YY1AP1: variants seen among roughly 807,000 people sequenced by gnomAD.
The protein encoded by YY1AP1 is YY1-associated protein 1.
YY1AP1 carries 43 observed loss-of-function variants against 39.9 expected under a neutral mutation model. The observed-to-expected ratio is 1.08, with a 90% CI of 0.84 to 1.39. The LOEUF (loss-of-function observed/expected upper bound fraction) is 1.39. Ranked by LOEUF, YY1AP1 falls within the 40% of genes most tolerant of loss-of-function variation. YY1AP1 has a pLI of 0.00. For missense variants in YY1AP1, 813 were observed against 900.7 expected (o/e 0.90, Z 1.25); for synonymous variants, 292 against 331.3 (o/e 0.88, Z 1.29).
chr1:155,679,473 C>T lies in YY1AP1; in HGVS notation c.61G>A (p.Gly21Ser). ...EMGFSNMEDD[G>S]PEEEERVAEP... ...GCCACACGCTCCTCCTCTTCTGGGC[C>T]ATCATCTTCCATGTTGGAGAATCCC... The change falls in exon 4 of 11, where the codon GGC (glycine) becomes AGC (serine). Residue 21 changes from glycine to serine, a missense_variant. Around this residue, in one of 3 missense-constraint regions of YY1AP1, gnomAD observed 196 missense variants for 189.7 expected, o/e 1.03. Transcript: ENST00000355499. 2 of 1,614,214 alleles carry T rather than the reference C, an allele frequency of 1.2e-6. No homozygotes were observed. The highest frequency in any genetic ancestry group is 1.7e-6 in the Non-Finnish European group (2 of 1,180,034).
In YY1AP1 at chr1:155,686,026, C is replaced by CTTT. The variant is rs768966023; in HGVS notation, c.-21+2042_-21+2044dup. The stretch of plus-strand genomic sequence containing the variant: ...GGGATCCTTACTACATGAAATCAGT[C>CTTT]TTTTTTTTTTTTTTTTTTTTTTTTT... On this transcript the variant is annotated intron_variant, in intron 2 of 10. Coordinates refer to ENST00000355499, the MANE Select transcript of YY1AP1 (RefSeq NM_139119.3). 1.7e-3 allele frequency among the ~76,000 whole-genome samples: 132 copies of CTTT among 76,348 alleles called. 8 individuals are homozygous for CTTT. Among genetic ancestry groups the CTTT allele is most frequent in the African/African-American group, 7.0e-3 (118 of 16,908 alleles). The allele number at this position is 76,348 out of a possible 152,430, so 50.1% of individuals were successfully genotyped here. A position where few individuals can be genotyped will look rare whatever the true frequency, so the allele number is the denominator to read the frequency against.
intron 9 of YY1AP1, among the ~76,000 whole-genome samples, chr1:155,665,049 C>A (rs941015433): frequency 6.6e-6 from 1 of 151,804 alleles, no homozygotes; most frequent in Non-Finnish European, 1.5e-5. Flanking sequence ...GGATTACAGG[C>A]GTGAGCCACT....
rs532314163 is a variant in YY1AP1 at position 155,660,004 on chromosome 1, G to A, written c.1906C>T (p.His636Tyr). ...GCACAAGCAATGTCCACATTCATGT[G>A]GGCCTTATCTTCAGGGGTGGATGGT... ...PIPSTPEDKA[H>Y]MNVDIACAVA... Residue 636 changes from histidine to tyrosine, a missense_variant, in exon 11 of 11, where the codon CAC becomes TAC. This residue lies in a region of YY1AP1 where 586 missense variants were observed against 647.4 expected (regional missense o/e 0.91). Transcript: ENST00000355499. The A allele has an allele frequency of 1.1e-5, 17 of 1,614,166 alleles. No homozygotes were observed. In the South Asian group the frequency reaches 1.1e-4, roughly 10 times the overall value.
intron 9 of YY1AP1, among the ~76,000 whole-genome samples, chr1:155,668,262 CT>C (rs1381763629): frequency 6.6e-6 from 1 of 151,858 alleles, no homozygotes; most frequent in Non-Finnish European, 1.5e-5. Flanking sequence ...GATCATGCCA[CT>C]ATACTCCTGC....
At chr1:155,664,093 C>A (rs1648584174) in intron 9 of YY1AP1, among the ~76,000 whole-genome samples, 1 of 149,006 alleles carries the variant, frequency 6.7e-6, no homozygotes. Context: ...AGCCACGCTC[C>A]AAACTGGGCA....
intron 6 of YY1AP1, among the ~76,000 whole-genome samples, chr1:155,672,973 G>A (rs886822378): frequency 6.6e-6 from 1 of 152,030 alleles, no homozygotes; most frequent in Non-Finnish European, 1.5e-5. Context: ...TCTAGCTCCC[G>A]AGCTAGAATT....
At chr1:155,666,196 A>C (rs1648981285) in intron 9 of YY1AP1, among the ~76,000 whole-genome samples, 1 of 151,374 alleles carries the variant, frequency 6.6e-6, no homozygotes, top group Non-Finnish European at 1.5e-5. Flanking sequence ...ATCTCGGCTC[A>C]CTGCAAGCTC....
At chr1:155,672,879 T>C in intron 6 of YY1AP1, 148 bp from the exon 7 acceptor site, 2 of 1,080,740 alleles carry the variant, frequency 1.9e-6, no homozygotes, top group Non-Finnish European at 2.7e-6. Context: ...TAAACTACTG[T>C]TAAGATTATG....
Position 155,688,369 on chromosome 1 carries a change from G to A in YY1AP1, c.-151-168C>T, listed in dbSNP as rs527960989. 12 of 1,546,718 alleles carry A rather than the reference G, an allele frequency of 7.8e-6. No individual in the cohort carries two copies. The East Asian group carries it at 1.5e-4, about 19-fold the overall frequency. On this transcript the variant is annotated intron_variant, in intron 1 of 10. Transcript: ENST00000355499. The stretch of plus-strand genomic sequence containing the variant: ...GTGGCCGCGGCAGCTCCTCCAGAGG[G>A]AGGGAGCTAAGGGCGCCTAGCGACA...
In YY1AP1 at chr1:155,688,435, C is replaced by T. The variant is rs1217469176; in HGVS notation, c.-152+224G>A. On this transcript the variant is annotated intron_variant, in intron 1 of 10. Transcript: ENST00000355499. ...TCCTCCCTCCTCGCGTTCTTCCCCA[C>T]GGTCCCCCGCTTCGCCCGACTCCGG... 3.9e-6 allele frequency: 6 copies of T among 1,547,382 alleles called. No individual in the cohort carries two copies. The African/African-American group carries it at 6.8e-5, about 18-fold the overall frequency.
upstream of YY1AP1, chr1:155,688,897 C>T: frequency 1.2e-6 from 2 of 1,612,538 alleles, no homozygotes; most frequent in Non-Finnish European, 1.7e-6. Context: ...CTGGAATTGC[C>T]AGGGTGGCCG....
chr1:155,662,321 T>C (rs1648288993), intron 9 of YY1AP1, among the ~76,000 whole-genome samples: 1 of 151,832 alleles, frequency 6.6e-6, no homozygotes, highest in Non-Finnish European at 1.5e-5. Flanking sequence ...TGAAACTCCA[T>C]CTCTACTAAA....
rs1647976394 is a variant in YY1AP1 at position 155,660,826 on chromosome 1, T to C, written c.1084A>G (p.Asn362Asp). 6.2e-7 allele frequency: 1 copy of C among 1,614,090 alleles called. No individual in the cohort carries two copies. The highest frequency in any genetic ancestry group is 8.5e-7 in the Non-Finnish European group (1 of 1,180,046). ...TCTTTTTCTAGGCCTTGATCTGAGT[T>C]GATCTCAGTGGTTCCAGTCATATTT... The part of the protein sequence containing the change: ...VGNMTGTTEI[N>D]SDQGLEKDNS... The change falls in exon 11 of 11, where the codon AAC (asparagine) becomes GAC (aspartate). Residue 362 changes from asparagine to aspartate, a missense_variant. Physicochemically the swap from Asn to Asp is conservative, Grantham distance 23 (BLOSUM62 1). Around this residue, in one of 3 missense-constraint regions of YY1AP1, gnomAD observed 586 missense variants for 647.4 expected, o/e 0.91. Transcript: ENST00000355499.
At chr1:155,680,869 C>A (rs1299381004) in intron 2 of YY1AP1, among the ~76,000 whole-genome samples, 1 of 147,604 alleles carries the variant, frequency 6.8e-6, no homozygotes, top group Non-Finnish European at 1.5e-5. Flanking sequence ...GCCCAGCTAT[C>A]CTTCATTCAT....
chr1:155,672,551 G>A lies in YY1AP1; in HGVS notation c.583+9C>T, dbSNP rs542415102. The A allele has an allele frequency of 1.9e-6, 3 of 1,606,262 alleles. No homozygotes were observed. Among genetic ancestry groups the A allele is most frequent in the Non-Finnish European group, 2.6e-6 (3 of 1,174,030 alleles). Reference sequence around the variant, plus strand: ...GTAAAAACTTAAAGCTGACACATCTGTCTCCTACCAGTCTTCTTGACAGTT... The same window carrying A: ...GTAAAAACTTAAAGCTGACACATCTATCTCCTACCAGTCTTCTTGACAGTT... On this transcript the variant is annotated intron_variant, in intron 7 of 10. Transcript: ENST00000355499.
chr1:155,661,429 C>T lies in YY1AP1; in HGVS notation c.880-6G>A, dbSNP rs766824029. ...TGTTTGGTCTTCTTATAAAACTTAACATGAAAAAAATGCGCATGAATTACA... is the reference window on the plus strand; with the variant it reads ...TGTTTGGTCTTCTTATAAAACTTAATATGAAAAAAATGCGCATGAATTACA... On this transcript the variant is annotated splice_polypyrimidine_tract_variant and splice_region_variant and intron_variant, in intron 9 of 10. Coordinates refer to ENST00000355499, the MANE Select transcript of YY1AP1 (RefSeq NM_139119.3). 6.2e-7 allele frequency: 1 copy of T among 1,613,234 alleles called. No individual in the cohort carries two copies. Among genetic ancestry groups the T allele is most frequent in the South Asian group, 1.1e-5 (1 of 91,040 alleles).
chr1:155,669,332 C>G (rs1420106267), intron 8 of YY1AP1, among the ~76,000 whole-genome samples: 1 of 152,206 alleles, frequency 6.6e-6, no homozygotes, highest in East Asian at 1.9e-4. Flanking sequence ...GCCACCATGG[C>G]TGGCCAATCT....
At chr1:155,678,803 C>G (rs978270960) in intron 4 of YY1AP1, among the ~76,000 whole-genome samples, 2 of 152,194 alleles carry the variant, frequency 1.3e-5, no homozygotes, top group African/African-American at 4.8e-5. Flanking sequence ...ATGGCACAAA[C>G]TGCATCCTGA....
intron 8 of YY1AP1, 33 bp from the exon 9 acceptor site, chr1:155,668,810 T>C: frequency 6.2e-7 from 1 of 1,614,020 alleles, no homozygotes; most frequent in Non-Finnish European, 8.5e-7. Context: ...AAATCTCACT[T>C]CACAGTCCTT....
Sources: gnomAD v4.1 joint callset for allele counts (sites outside exome capture counted in the v4.1 genomes callset) on GRCh38, gnomAD v4.1.1 for gene constraint, gnomAD v4.1.1 regional missense constraint, MANE v1.5 for transcripts, NCBI Gene and HGNC (gene_info 2026-07-23, HGNC 2026-07-21) for gene names.